Variants in LSAMP observed in about 807,000 individuals in gnomAD.
LSAMP encodes limbic system-associated membrane protein.
LSAMP carries 7 observed loss-of-function variants against 38.6 expected under a neutral mutation model. That is an observed-to-expected ratio of 0.18 (90% confidence interval 0.10 to 0.34). LSAMP has a LOEUF of 0.34. Among genes scored for constraint, LSAMP ranks in the 10% least tolerant of loss-of-function variants. LSAMP has a pLI of 1.00. For synonymous variants in LSAMP, 154 were observed against 166.8 expected (o/e 0.92, Z 0.59); for missense variants, 313 against 420.0 (o/e 0.75, Z 2.23).
At chr3:116,243,291 G>C (rs1259448113) in intron 1 of LSAMP, among the ~76,000 whole-genome samples, 1 of 152,134 alleles carries the variant, frequency 6.6e-6, no homozygotes, top group Non-Finnish European at 1.5e-5. Context: ...GACTTCCACT[G>C]GGTGAGCCCA....
intron 3 of LSAMP, among the ~76,000 whole-genome samples, chr3:115,969,963 G>A (rs550981976): frequency 6.6e-6 from 1 of 152,298 alleles, no homozygotes; most frequent in African/African-American, 2.4e-5. Context: ...TCATAAGGAT[G>A]TTTTAAAGGA....
At chr3:116,001,519 T>C (rs1939993374) in intron 3 of LSAMP, among the ~76,000 whole-genome samples, 1 of 152,162 alleles carries the variant, frequency 6.6e-6, no homozygotes, top group African/African-American at 2.4e-5. Context: ...TAATATAAGT[T>C]TATTATCTTA....
intron 6 of LSAMP, among the ~76,000 whole-genome samples, chr3:115,820,194 A>G (rs1028881361): frequency 2.6e-5 from 4 of 152,186 alleles, no homozygotes; most frequent in Non-Finnish European, 5.9e-5. Flanking sequence ...TGCCAGGGAT[A>G]TAATTTTTGC....
chr3:116,166,895 A>T (rs1710066693), intron 1 of LSAMP, among the ~76,000 whole-genome samples: 1 of 142,010 alleles, frequency 7.0e-6, no homozygotes, highest in African/African-American at 2.7e-5. Flanking sequence ...GGTTCACGCC[A>T]TTCTCCTGCC....
chr3:116,128,535 G>T (rs1709056648), intron 1 of LSAMP, among the ~76,000 whole-genome samples: 1 of 152,142 alleles, frequency 6.6e-6, no homozygotes, highest in Non-Finnish European at 1.5e-5. Flanking sequence ...CTTGGTAATG[G>T]CTCCCATAAT....
chr3:115,936,827 C>T (rs1937718706), intron 3 of LSAMP, among the ~76,000 whole-genome samples: 1 of 152,086 alleles, frequency 6.6e-6, no homozygotes, highest in Non-Finnish European at 1.5e-5. Context: ...ACACTAAAGT[C>T]AGCAAAAGTA....
chr3:115,895,225 C>T (rs1354914652), intron 3 of LSAMP, among the ~76,000 whole-genome samples: 2 of 152,012 alleles, frequency 1.3e-5, no homozygotes, highest in Non-Finnish European at 2.9e-5. Flanking sequence ...AATCTCTTGA[C>T]TGTGAATTGT....
At chr3:116,204,498 T>A (rs1319393175) in intron 1 of LSAMP, among the ~76,000 whole-genome samples, 8 of 151,502 alleles carry the variant, frequency 5.3e-5, no homozygotes, top group African/African-American at 9.7e-5. Flanking sequence ...CTGAATGGTA[T>A]TGCCTAGGTT....
chr3:116,329,169 A>T (rs2047815841), intron 1 of LSAMP, among the ~76,000 whole-genome samples: 1 of 152,176 alleles, frequency 6.6e-6, no homozygotes, highest in Admixed American at 6.5e-5. Context: ...ATTGAGCTTT[A>T]ATAAGCTCTG....
intron 1 of LSAMP, among the ~76,000 whole-genome samples, chr3:116,118,892 T>G (rs1237600438): frequency 6.6e-6 from 1 of 152,232 alleles, no homozygotes; most frequent in Admixed American, 6.5e-5. Flanking sequence ...ATCATCCATG[T>G]GATCATGCAG....
intron 1 of LSAMP, among the ~76,000 whole-genome samples, chr3:116,322,635 A>G (rs796446781): frequency 8.5e-5 from 13 of 152,270 alleles, no homozygotes; most frequent in African/African-American, 2.9e-4. Flanking sequence ...GAAATTGACT[A>G]ACATTTCTTT....
chr3:116,215,623 A>G (rs2046210700), intron 1 of LSAMP, among the ~76,000 whole-genome samples: 1 of 152,204 alleles, frequency 6.6e-6, no homozygotes, highest in Non-Finnish European at 1.5e-5. Context: ...ATTTTCTGAC[A>G]TATTTGTTGC....
chr3:115,818,897 C>T (rs1332946827), intron 6 of LSAMP, among the ~76,000 whole-genome samples: 1 of 146,224 alleles, frequency 6.8e-6, no homozygotes, highest in Non-Finnish European at 1.5e-5. Flanking sequence ...GCGCGGCTCA[C>T]ACCTGTAATC....
At chr3:116,412,076 A>T (rs72951946) in intron 1 of LSAMP, among the ~76,000 whole-genome samples, 1 of 152,078 alleles carries the variant, frequency 6.6e-6, no homozygotes. Flanking sequence ...GTAGTCCATT[A>T]TATCAAGAGA....
At chr3:116,281,708 C>T (rs1317002820) in intron 1 of LSAMP, among the ~76,000 whole-genome samples, 1 of 152,166 alleles carries the variant, frequency 6.6e-6, no homozygotes, top group Non-Finnish European at 1.5e-5. Flanking sequence ...ACTCTTAAAT[C>T]AAAAGCCATT....
chr3:116,026,281 C>T (rs186872189), intron 2 of LSAMP, among the ~76,000 whole-genome samples: 3 of 152,248 alleles, frequency 2.0e-5, no homozygotes, highest in Non-Finnish European at 2.9e-5. Context: ...TTTATCCACC[C>T]TCTACCAGAT....
intron 1 of LSAMP, among the ~76,000 whole-genome samples, chr3:116,309,249 G>A (rs1391662746): frequency 6.6e-6 from 1 of 152,066 alleles, no homozygotes; most frequent in Non-Finnish European, 1.5e-5. Flanking sequence ...CTGAGGCACA[G>A]CTAGGTCTAA....
chr3:115,810,094 C>T lies in LSAMP; in HGVS notation c.*223G>A. On this transcript the variant is annotated 3_prime_UTR_variant, in exon 7 of 7. Transcript: ENST00000490035. ...ATATCCCAGTAGAACCTTCTCCATCCTGAATGATACATAAATTTTTAATGA... is the reference window on the plus strand; with the variant it reads ...ATATCCCAGTAGAACCTTCTCCATCTTGAATGATACATAAATTTTTAATGA... 2.0e-6 allele frequency: 1 copy of T among 505,296 alleles called. No homozygotes were observed. The highest frequency in any genetic ancestry group is 3.4e-5 in the Admixed American group (1 of 29,376). The allele number at this position is 505,296 out of a possible 1,614,324, so 31.3% of individuals were successfully genotyped here.
At chr3:116,243,781 A>G (rs2046569709) in intron 1 of LSAMP, among the ~76,000 whole-genome samples, 1 of 152,208 alleles carries the variant, frequency 6.6e-6, no homozygotes, top group Admixed American at 6.5e-5. Flanking sequence ...AAGGAAATAT[A>G]TGGGATTAAA....
Sources: allele counts gnomAD v4.1 joint callset (sites outside exome capture counted in the v4.1 genomes callset), GRCh38; gene constraint gnomAD v4.1.1; transcripts MANE v1.5; gene names NCBI Gene and HGNC (gene_info 2026-07-23, HGNC 2026-07-21).